Variants in GRID2 observed in about 807,000 individuals in gnomAD.
The protein encoded by GRID2 is glutamate receptor ionotropic, delta-2.
In GRID2, 33 loss-of-function variants were observed where a neutral mutation model predicts 114.8. The ratio of observed to expected loss-of-function variants is 0.29; its 90% CI spans 0.22 to 0.38. GRID2 has a LOEUF of 0.38. GRID2 is among the 10% of genes least tolerant of loss of function. The probability of loss-of-function intolerance (pLI) is 1.00; values close to 1 mark genes in which losing one functional copy is unlikely to be tolerated. For synonymous variants in GRID2, 505 were observed against 449.9 expected (o/e 1.12, Z -1.55); for missense variants, 1,184 against 1,257.7 (o/e 0.94, Z 0.89).
rs540366849 is a variant in GRID2 at position 93,273,154 on chromosome 4, C to T, written c.1245+34664C>T. 1.5e-3 allele frequency among the ~76,000 whole-genome samples: 234 copies of T among 152,318 alleles called. 1 individual carries two copies. Among genetic ancestry groups the T allele is most frequent in the Non-Finnish European group, 2.7e-3 (183 of 68,012 alleles). ...TATTGTTCATTTTTCTCACTAGACT[C>T]TATGCCTGCAGAAGGCAGGATCTTT... is the stretch of plus-strand genomic sequence containing the variant. On this transcript the variant is annotated intron_variant, in intron 8 of 15. Coordinates refer to ENST00000282020, the MANE Select transcript of GRID2 (RefSeq NM_001510.4).
At chr4:93,234,731 C>G (rs541349497) in intron 7 of GRID2, among the ~76,000 whole-genome samples, 8 of 141,380 alleles carry the variant, frequency 5.7e-5, no homozygotes, top group African/African-American at 2.1e-4. Flanking sequence ...TGGTATTTTT[C>G]TGGTTAGGGG....
chr4:92,724,490 C>A (rs780068246), intron 2 of GRID2, among the ~76,000 whole-genome samples: 62 of 152,240 alleles, frequency 4.1e-4, no homozygotes, highest in Non-Finnish European at 6.8e-4. Context: ...AAATCAAAAT[C>A]TATGCTCCTT....
intron 1 of GRID2, among the ~76,000 whole-genome samples, chr4:92,541,315 C>T (rs1185351004): frequency 1.4e-5 from 2 of 143,144 alleles, no homozygotes; most frequent in Non-Finnish European, 3.2e-5. Context: ...AAATAAGAGT[C>T]AGGAAAAAAA....
At chr4:93,329,143 G>A (rs1307247597) in intron 8 of GRID2, among the ~76,000 whole-genome samples, 1 of 152,108 alleles carries the variant, frequency 6.6e-6, no homozygotes, top group Non-Finnish European at 1.5e-5. Flanking sequence ...GTTGAAACTA[G>A]AAGATAAAGG....
intron 13 of GRID2, among the ~76,000 whole-genome samples, chr4:93,554,092 T>C (rs1008771169): frequency 1.3e-5 from 2 of 152,192 alleles, no homozygotes; most frequent in African/African-American, 4.8e-5. Flanking sequence ...AGTCTCACTA[T>C]CTCTCTAGTA....
chr4:93,346,294 G>A (rs780762885), intron 8 of GRID2, among the ~76,000 whole-genome samples: 5 of 152,114 alleles, frequency 3.3e-5, no homozygotes, highest in African/African-American at 4.8e-5. Context: ...ATTTGAGGTC[G>A]AAATTCCTAT....
Position 92,405,716 on chromosome 4 carries a change from CAA to C in GRID2, c.88+100984_88+100985del, listed in dbSNP as rs59410809. ...TAGGTAAAAGTTACATTCAGTAATA[CAA>C]AAAAAAAAAAATCAGCTTATACAAC... is the stretch of plus-strand genomic sequence containing the variant. On this transcript the variant is annotated intron_variant, in intron 1 of 15. Coordinates refer to ENST00000282020, the MANE Select transcript of GRID2 (RefSeq NM_001510.4). 2.2e-3 allele frequency among the ~76,000 whole-genome samples: 308 copies of C among 139,304 alleles called. 1 individual carries two copies. Among genetic ancestry groups the C allele is most frequent in the African/African-American group, 3.7e-3 (145 of 38,706 alleles). 91.4% of individuals were successfully genotyped at this position (139,304 alleles called of 152,430 possible).
At chr4:93,043,847 G>A (rs1725860652) in intron 2 of GRID2, among the ~76,000 whole-genome samples, 1 of 151,824 alleles carries the variant, frequency 6.6e-6, no homozygotes, top group African/African-American at 2.4e-5. Context: ...ACACCAACAT[G>A]GCACATGTAT....
At chr4:92,561,099 A>C (rs1357714532) in intron 1 of GRID2, among the ~76,000 whole-genome samples, 1 of 152,204 alleles carries the variant, frequency 6.6e-6, no homozygotes, top group Non-Finnish European at 1.5e-5. Flanking sequence ...GAGACAGCAG[A>C]GTATAGCACA....
At chr4:93,676,274 TA>T (rs532954766) in intron 14 of GRID2, among the ~76,000 whole-genome samples, 86 of 152,336 alleles carry the variant, frequency 5.6e-4, no homozygotes, top group Non-Finnish European at 1.2e-3. Flanking sequence ...TTGAAAGATT[TA>T]AAATTCTTAA....
intron 8 of GRID2, among the ~76,000 whole-genome samples, chr4:93,355,310 C>T (rs1369503502): frequency 6.6e-6 from 1 of 151,336 alleles, no homozygotes; most frequent in Non-Finnish European, 1.5e-5. Context: ...GGATTGCTGT[C>T]ATCTGACACC....
chr4:92,950,362 CAG>C (rs1223924105), intron 2 of GRID2, among the ~76,000 whole-genome samples: 3 of 152,078 alleles, frequency 2.0e-5, no homozygotes, highest in African/African-American at 7.2e-5. Flanking sequence ...CTGGCAAAGA[CAG>C]TGTAAATTAT....
In GRID2 at chr4:92,590,192, C is replaced by A; in HGVS notation, c.150C>A (p.Asp50Glu). The A allele has an allele frequency of 6.2e-7, 1 of 1,611,752 alleles. No homozygotes were observed. ...DDEVFRTAVG[D>E]LNQNEEILQT... ...AGGTATTTCGCACTGCGGTTGGTGA[C>A]CTTAACCAGAATGAGGAGATCTTAC... The change falls in exon 2 of 16, where the codon GAC becomes GAA. Residue 50 changes from aspartate to glutamate, a missense_variant. Asp to Glu is a conservative substitution (Grantham distance 45, BLOSUM62 2). Coordinates refer to ENST00000282020, the MANE Select transcript of GRID2 (RefSeq NM_001510.4).
At chr4:93,274,368 A>G (rs1751823496) in intron 8 of GRID2, among the ~76,000 whole-genome samples, 1 of 152,130 alleles carries the variant, frequency 6.6e-6, no homozygotes, top group Admixed American at 6.6e-5. Context: ...TCTGTCCTAC[A>G]ATTATAACTG....
At position 93,507,543 on chromosome 4, in the gene GRID2, C is replaced by T. The variant is rs1344810478; in HGVS notation, c.1998-7673C>T. 2.0e-5 allele frequency among the ~76,000 whole-genome samples: 3 copies of T among 152,188 alleles called. No individual in the cohort carries two copies. In the East Asian group the frequency reaches 5.8e-4, roughly 29 times the overall value. On this transcript the variant is annotated intron_variant, in intron 12 of 15. Coordinates refer to ENST00000282020, the MANE Select transcript of GRID2 (RefSeq NM_001510.4). ...TTGTTCTGCTGCTTATCTCAAGATT[C>T]TTTAGCTACTAAAATCATGAATTCT...
At chr4:93,463,659 G>A (rs1333626899) in intron 11 of GRID2, among the ~76,000 whole-genome samples, 1 of 152,168 alleles carries the variant, frequency 6.6e-6, no homozygotes, top group Non-Finnish European at 1.5e-5. Flanking sequence ...GGGTGATTTT[G>A]AGAAAATATT....
chr4:92,849,426 C>A (rs1405014421), intron 2 of GRID2, among the ~76,000 whole-genome samples: 1 of 151,808 alleles, frequency 6.6e-6, no homozygotes, highest in Non-Finnish European at 1.5e-5. Context: ...TGAGACCATG[C>A]AATGAGTTAG....
intron 2 of GRID2, among the ~76,000 whole-genome samples, chr4:92,606,265 T>A (rs1729444788): frequency 6.6e-6 from 1 of 151,988 alleles, no homozygotes. Context: ...CTGTTGAAAA[T>A]ACTTTGTTTT....
At chr4:93,024,458 A>G (rs1300257917) in intron 2 of GRID2, among the ~76,000 whole-genome samples, 1 of 151,808 alleles carries the variant, frequency 6.6e-6, no homozygotes, top group Non-Finnish European at 1.5e-5. Context: ...AGAGATTTAA[A>G]ATTTTCTTCT....
Sources: gnomAD v4.1 joint callset for allele counts (sites outside exome capture counted in the v4.1 genomes callset) on GRCh38, gnomAD v4.1.1 for gene constraint, MANE v1.5 for transcripts, NCBI Gene and HGNC (gene_info 2026-07-23, HGNC 2026-07-21) for gene names.